The following RANBP2 variants were observed in gnomAD, a reference collection of about 807,000 sequenced individuals.
RANBP2 encodes the protein RAN binding protein 2, also known as E3 SUMO-protein ligase RanBP2.
RANBP2 carries 57 observed loss-of-function variants against 303.6 expected under a neutral mutation model. The observed-to-expected ratio is 0.19, with a 90% CI of 0.15 to 0.23. RANBP2 has a LOEUF of 0.23. Among genes scored for constraint, RANBP2 ranks in the 10% least tolerant of loss-of-function variants. RANBP2 has a pLI of 1.00. For synonymous variants in RANBP2, 1,167 were observed against 1,301.5 expected, an observed-to-expected ratio of 0.90 and a Z score of 2.23; for missense variants, 3,138 against 3,780.8, an observed-to-expected ratio of 0.83 and a Z score of 4.46.
At position 108,766,100 on chromosome 2, in the gene RANBP2, A is replaced by G. The variant is rs141379413; in HGVS notation, c.5561A>G (p.Asn1854Ser). 449 of 1,614,158 alleles carry G rather than the reference A, an allele frequency of 2.8e-4. 2 individuals carry two copies. The highest frequency in any genetic ancestry group is 1.9e-3 in the African/African-American group (145 of 75,062). ...TCAGAAAAAGCTTCTAAGTTTGGCA[A>G]TACAGAGCAAGGATTCAAATTTGGG... The part of the protein sequence containing the change: ...NFSEKASKFG[N>S]TEQGFKFGHV... The change falls in exon 20 of 29, where the codon AAT becomes AGT. Residue 1854 changes from asparagine (N) to serine (S), a missense_variant. By Grantham distance (46) the Asn-to-Ser change is conservative. Transcript: ENST00000283195.
chr2:109,691,293 A>G, the RANBP2 span, among the ~76,000 whole-genome samples: 1 of 152,200 alleles, frequency 6.6e-6, no homozygotes, highest in South Asian at 2.1e-4. Context: ...AGTGGATACC[A>G]CATTAGCAAT....
chr2:109,457,377 G>A, the RANBP2 span, among the ~76,000 whole-genome samples: 173 of 152,288 alleles, frequency 1.1e-3, 1 homozygote, highest in African/African-American at 4.1e-3. Flanking sequence ...CAGAAGTAGG[G>A]TTTCAACTGC....
At chr2:108,864,196 G>A in the RANBP2 span, among the ~76,000 whole-genome samples, 1 of 152,074 alleles carries the variant, frequency 6.6e-6, no homozygotes, top group East Asian at 1.9e-4. Flanking sequence ...TATGATGGGG[G>A]ATAAAATCTA....
chr2:108,768,111 T>A lies in RANBP2; in HGVS notation c.7572T>A (p.Ile2524=). Residue 2524 remains isoleucine, a synonymous_variant, in exon 20 of 29, where the codon ATT becomes ATA. Coordinates refer to ENST00000283195, the MANE Select transcript of RANBP2 (RefSeq NM_006267.5). ...FVFGSESVKS[I]FSSEKSKPFA... ...TTGGTTCAGAGTCTGTTAAAAGCAT[T>A]TTTAGTAGTGAAAAATCAAAACCAT... The A allele has an allele frequency of 1.2e-6, 2 of 1,612,050 alleles. No homozygotes were observed. Among genetic ancestry groups the A allele is most frequent in the Non-Finnish European group, 1.7e-6 (2 of 1,179,868 alleles).
At chr2:108,930,029 T>C in the RANBP2 span, 1 of 1,475,264 alleles carries the variant, frequency 6.8e-7, no homozygotes, top group Non-Finnish European at 9.1e-7. Context: ...TGGCATCCCC[T>C]CACACAGCAA....
the RANBP2 span, among the ~76,000 whole-genome samples, chr2:109,149,301 G>T: frequency 6.6e-6 from 1 of 152,226 alleles, no homozygotes. Flanking sequence ...CATTGGCTTA[G>T]AGCTGAGAAG....
the RANBP2 span, among the ~76,000 whole-genome samples, chr2:108,868,228 G>A: frequency 9.6e-4 from 146 of 152,224 alleles, no homozygotes; most frequent in Admixed American, 2.0e-3. Context: ...AGTTACTCGC[G>A]ATAGATTTTT....
chr2:108,837,976 G>A, the RANBP2 span, among the ~76,000 whole-genome samples: 1 of 151,776 alleles, frequency 6.6e-6, no homozygotes, highest in South Asian at 2.1e-4. Context: ...GAAGACAGGA[G>A]TCAAGGGGAA....
the RANBP2 span, among the ~76,000 whole-genome samples, chr2:109,541,573 C>T: frequency 6.6e-6 from 1 of 152,318 alleles, no homozygotes. Flanking sequence ...ATAAACTTTC[C>T]TGGGATTTAT....
At chr2:108,894,822 A>G in the RANBP2 span, 3 of 152,240 alleles carry the variant, frequency 2.0e-5, no homozygotes, top group Non-Finnish European at 2.9e-5. Flanking sequence ...TGGAGAGCCA[A>G]TGGAACATGA....
the RANBP2 span, among the ~76,000 whole-genome samples, chr2:109,433,783 G>T: frequency 6.6e-6 from 1 of 152,224 alleles, no homozygotes; most frequent in Non-Finnish European, 1.5e-5. Flanking sequence ...TGAAAGGTCT[G>T]CAGGCACAAG....
chr2:109,275,226 G>T, the RANBP2 span, among the ~76,000 whole-genome samples: 1 of 152,166 alleles, frequency 6.6e-6, no homozygotes, highest in Non-Finnish European at 1.5e-5. Context: ...GTGAGGCCCC[G>T]CAGAGGCTGC....
chr2:109,049,792 C>G, the RANBP2 span, among the ~76,000 whole-genome samples: 1 of 152,178 alleles, frequency 6.6e-6, no homozygotes, highest in African/African-American at 2.4e-5. Context: ...TTGGATCACA[C>G]TAGTGCAAAA....
chr2:109,272,300 G>A, the RANBP2 span, among the ~76,000 whole-genome samples: 2 of 152,206 alleles, frequency 1.3e-5, no homozygotes, highest in Non-Finnish European at 2.9e-5. Context: ...GGAGCTGATG[G>A]CTACACATCC....
the RANBP2 span, among the ~76,000 whole-genome samples, chr2:109,256,220 C>T: frequency 6.6e-6 from 1 of 152,142 alleles, no homozygotes; most frequent in Non-Finnish European, 1.5e-5. Context: ...CAAGGAAGAC[C>T]CCACAGTTGG....
At chr2:109,491,610 C>T in the RANBP2 span, among the ~76,000 whole-genome samples, 1 of 152,122 alleles carries the variant, frequency 6.6e-6, no homozygotes, top group Non-Finnish European at 1.5e-5. Flanking sequence ...TTGGGTTTCA[C>T]CTGGGGCTAG....
chr2:109,628,354 T>A, the RANBP2 span, among the ~76,000 whole-genome samples: 3 of 151,902 alleles, frequency 2.0e-5, no homozygotes, highest in East Asian at 5.8e-4. Context: ...ATTAACTAGG[T>A]GTGGTGGCTT....
chr2:108,845,759 G>A, the RANBP2 span, among the ~76,000 whole-genome samples: 1 of 152,030 alleles, frequency 6.6e-6, no homozygotes, highest in Non-Finnish European at 1.5e-5. Flanking sequence ...TTTTAGTAGA[G>A]ATGGGGTTTC....
the RANBP2 span, among the ~76,000 whole-genome samples, chr2:109,590,525 G>A: frequency 1.3e-5 from 2 of 151,954 alleles, no homozygotes; most frequent in Non-Finnish European, 2.9e-5. Flanking sequence ...TCTGCCTCCT[G>A]GGTTCAAATG....
Sources: allele counts gnomAD v4.1 joint callset (sites outside exome capture counted in the v4.1 genomes callset), GRCh38; gene constraint gnomAD v4.1.1; transcripts MANE v1.5; gene names NCBI Gene and HGNC (gene_info 2026-07-23, HGNC 2026-07-21).